Variants in SGCZ observed in about 807,000 individuals in gnomAD.
SGCZ encodes the protein zeta-sarcoglycan.
SGCZ carries 40 observed loss-of-function variants against 41.3 expected under a neutral mutation model. The observed-to-expected ratio is 0.97, with a 90% confidence interval of 0.75 to 1.26. The LOEUF (loss-of-function observed/expected upper bound fraction) is 1.26. Ranked by LOEUF, SGCZ falls within the 50% of genes most tolerant of loss-of-function variation. SGCZ has a pLI of 0.00. For synonymous variants in SGCZ, 206 were observed against 137.5 expected, an observed-to-expected ratio of 1.50 and a Z score of -3.49; for missense variants, 552 against 369.8, an observed-to-expected ratio of 1.49 and a Z score of -4.04.
chr8:14,526,569 G>T (rs576586568), intron 2 of SGCZ, among the ~76,000 whole-genome samples: 1 of 152,044 alleles, frequency 6.6e-6, no homozygotes, highest in Non-Finnish European at 1.5e-5. Flanking sequence ...CTACACAATT[G>T]ATAGGAAATT....
chr8:14,235,889 T>C lies in SGCZ; in HGVS notation c.424+1703A>G, dbSNP rs2117162642. Among the ~76,000 whole-genome samples the C allele has an allele frequency of 1.3e-5, 2 of 152,314 alleles. 1 individual carries two copies. Among genetic ancestry groups the C allele is most frequent in the Admixed American group, 1.3e-4 (2 of 15,290 alleles). Reference sequence around the variant, plus strand: ...TAGTAGAGATGGGGTTTCACCATGTTGGACAGGATGATCTCGATTTCTTGA... The same window carrying C: ...TAGTAGAGATGGGGTTTCACCATGTCGGACAGGATGATCTCGATTTCTTGA... On this transcript the variant is annotated intron_variant, in intron 4 of 7. Transcript: ENST00000382080.
Position 14,823,055 on chromosome 8 carries a change from T to TAAAAAAAAAA in SGCZ, c.40-268139_40-268130dup, listed in dbSNP as rs34307530. ...GGCAATGAAGCCACACCAATCCTCA[T>TAAAAAAAAAA]AAAAAAAAAAAAAAAAAAAAAAGAC... On this transcript the variant is annotated intron_variant, in intron 1 of 7. Transcript: ENST00000382080. 4.8e-4 allele frequency among the ~76,000 whole-genome samples: 36 copies of TAAAAAAAAAA among 75,480 alleles called. 2 individuals carry two copies. Among genetic ancestry groups the TAAAAAAAAAA allele is most frequent in the South Asian group, 1.2e-3 (2 of 1,710 alleles). The allele number at this position is 75,480 out of a possible 152,430, so 49.5% of individuals were successfully genotyped here. A position where few individuals can be genotyped will look rare whatever the true frequency, so the allele number is the denominator to read the frequency against.
chr8:14,347,194 C>A (rs767672398), intron 2 of SGCZ, among the ~76,000 whole-genome samples: 3 of 151,982 alleles, frequency 2.0e-5, no homozygotes, highest in Non-Finnish European at 2.9e-5. Context: ...TACGATCTAA[C>A]ATTTGATAGA....
intron 1 of SGCZ, among the ~76,000 whole-genome samples, chr8:14,632,031 A>C (rs1806672344): frequency 7.7e-6 from 1 of 129,674 alleles, no homozygotes; most frequent in African/African-American, 2.9e-5. Flanking sequence ...TTATTTATTT[A>C]TTTGGAGATA....
At chr8:14,536,136 C>T (rs551610183) in intron 2 of SGCZ, among the ~76,000 whole-genome samples, 3 of 151,920 alleles carry the variant, frequency 2.0e-5, no homozygotes, top group African/African-American at 7.2e-5. Flanking sequence ...TTAGCATATA[C>T]ATATGAAAAG....
At chr8:14,286,084 T>G (rs760132201) in intron 3 of SGCZ, among the ~76,000 whole-genome samples, 19 of 152,056 alleles carry the variant, frequency 1.2e-4, no homozygotes, top group Non-Finnish European at 1.9e-4. Flanking sequence ...GTATTTTGTT[T>G]TTTTTCTCTA....
chr8:14,496,680 G>C (rs1184906906), intron 2 of SGCZ, among the ~76,000 whole-genome samples: 1 of 151,984 alleles, frequency 6.6e-6, no homozygotes. Context: ...TTTCCTAGAA[G>C]TTTCTCTCTG....
chr8:14,612,401 G>A (rs1025021955), intron 1 of SGCZ, among the ~76,000 whole-genome samples: 1 of 152,168 alleles, frequency 6.6e-6, no homozygotes, highest in Admixed American at 6.5e-5. Flanking sequence ...CTTCTGCCGT[G>A]ATTGTAAGTT....
intron 1 of SGCZ, among the ~76,000 whole-genome samples, chr8:14,769,169 A>G (rs1800144673): frequency 6.6e-6 from 1 of 152,160 alleles, no homozygotes; most frequent in African/African-American, 2.4e-5. Context: ...GAGCGAGGGA[A>G]AAACAGATGG....
chr8:14,146,302 G>C (rs1293114824), intron 5 of SGCZ, among the ~76,000 whole-genome samples: 2 of 151,874 alleles, frequency 1.3e-5, no homozygotes, highest in Non-Finnish European at 2.9e-5. Flanking sequence ...AAGTGCTGAA[G>C]CAAAAAAATG....
chr8:15,096,459 C>T (rs1263557031), intron 1 of SGCZ, among the ~76,000 whole-genome samples: 2 of 152,074 alleles, frequency 1.3e-5, no homozygotes, highest in East Asian at 3.9e-4. Context: ...CCAAAGGAGA[C>T]ACTTGTGAGA....
intron 1 of SGCZ, among the ~76,000 whole-genome samples, chr8:14,831,502 T>G (rs1802525251): frequency 6.6e-6 from 1 of 152,144 alleles, no homozygotes; most frequent in African/African-American, 2.4e-5. Context: ...AGACATCGAC[T>G]TGAACTTCAG....
At chr8:14,656,749 TG>T (rs1429821802) in intron 1 of SGCZ, among the ~76,000 whole-genome samples, 5 of 151,810 alleles carry the variant, frequency 3.3e-5, no homozygotes, top group Non-Finnish European at 2.9e-5. Context: ...ACTGAAAGTT[TG>T]GGATTTATGA....
At chr8:14,200,425 T>A (rs1257008100) in intron 4 of SGCZ, among the ~76,000 whole-genome samples, 1 of 152,074 alleles carries the variant, frequency 6.6e-6, no homozygotes, top group Non-Finnish European at 1.5e-5. Context: ...AAGAAGAACA[T>A]TGGACAACTC....
intron 2 of SGCZ, among the ~76,000 whole-genome samples, chr8:14,478,779 G>A (rs543551904): frequency 4.6e-5 from 7 of 152,098 alleles, no homozygotes; most frequent in Non-Finnish European, 5.9e-5. Context: ...CTTTTTCAGA[G>A]TAACAGTTCT....
intron 4 of SGCZ, among the ~76,000 whole-genome samples, chr8:14,215,869 T>C (rs927634725): frequency 6.6e-6 from 1 of 152,200 alleles, no homozygotes; most frequent in African/African-American, 2.4e-5. Flanking sequence ...GCCCAGATGG[T>C]GCCGGGTGCA....
At chr8:14,883,046 G>T (rs1804653101) in intron 1 of SGCZ, among the ~76,000 whole-genome samples, 1 of 151,690 alleles carries the variant, frequency 6.6e-6, no homozygotes, top group Non-Finnish European at 1.5e-5. Context: ...ATAATTTTTT[G>T]AAAATAAATA....
chr8:14,249,995 G>C (rs191026930), intron 3 of SGCZ, among the ~76,000 whole-genome samples: 1 of 152,308 alleles, frequency 6.6e-6, no homozygotes, highest in African/African-American at 2.4e-5. Context: ...CTCCAACCCA[G>C]TGCTTACAAA....
chr8:15,051,230 G>C (rs1356304195), intron 1 of SGCZ, among the ~76,000 whole-genome samples: 4 of 152,124 alleles, frequency 2.6e-5, no homozygotes, highest in African/African-American at 9.7e-5. Flanking sequence ...GCACAAAGGG[G>C]TAAAAATGGG....
Sources: gnomAD v4.1 joint callset for allele counts (sites outside exome capture counted in the v4.1 genomes callset) on GRCh38, gnomAD v4.1.1 for gene constraint, MANE v1.5 for transcripts, NCBI Gene and HGNC (gene_info 2026-07-23, HGNC 2026-07-21) for gene names.